The following SMC2 variants were observed in gnomAD, a reference collection of about 807,000 sequenced individuals.
SMC2 encodes structural maintenance of chromosomes protein 2.
SMC2 carries 41 observed loss-of-function variants against 142.6 expected under a neutral mutation model. The observed-to-expected ratio is 0.29, with a 90% CI of 0.22 to 0.37. SMC2 has a LOEUF of 0.37. Ranked by LOEUF, SMC2 falls within the 10% of genes least tolerant of loss-of-function variation. The probability of loss-of-function intolerance (pLI) is 1.00; values close to 1 mark genes in which losing one functional copy is unlikely to be tolerated. For synonymous variants in SMC2, 463 were observed against 457.5 expected (o/e 1.01, Z -0.15); for missense variants, 1,265 against 1,373.7 (o/e 0.92, Z 1.25).
At chr9:104,121,932 T>A (rs572639523) in intron 16 of SMC2, among the ~76,000 whole-genome samples, 3 of 152,302 alleles carry the variant, frequency 2.0e-5, no homozygotes, top group African/African-American at 7.2e-5. Flanking sequence ...TTTTTGTATT[T>A]TTAGTAGAGA....
At chr9:104,134,939 A>C (rs532776251) in intron 23 of SMC2, among the ~76,000 whole-genome samples, 1 of 152,272 alleles carries the variant, frequency 6.6e-6, no homozygotes, top group Non-Finnish European at 1.5e-5. Flanking sequence ...TAAGTTAAAA[A>C]GACAGATTAG....
At chr9:104,112,053 G>C (rs1299691470) in intron 10 of SMC2, among the ~76,000 whole-genome samples, 1 of 152,202 alleles carries the variant, frequency 6.6e-6, no homozygotes, top group Non-Finnish European at 1.5e-5. Flanking sequence ...AATTCGGTAT[G>C]TAAGTGCAAT....
rs1834327958 is a variant in SMC2, at chr9:104,126,665, C to G, written c.2476C>G (p.Leu826Val). Residue 826 changes from leucine to valine, a missense_variant, in exon 19 of 25, where the codon CTG (leucine) becomes GTG (valine). Physicochemically the swap from Leu to Val is conservative, Grantham distance 32 (BLOSUM62 1). Around this residue, in one of 4 missense-constraint regions of SMC2, gnomAD observed 898 missense variants for 904.2 expected, o/e 0.99. Coordinates refer to ENST00000374793, the MANE Select transcript of SMC2 (RefSeq NM_006444.3). ...QQEVEAITLE[L>V]EELKREHTSY... is the part of the protein sequence containing the mutation. ...GGAAGTTGAAGCTATCACTCTGGAA[C>G]TGGAAGAGCTCAAGAGAGAGCATAC... is the stretch of plus-strand genomic sequence containing the variant. 6.2e-7 allele frequency: 1 copy of G among 1,610,086 alleles called. No homozygotes were observed. Among genetic ancestry groups the G allele is most frequent in the Admixed American group, 1.7e-5 (1 of 59,078 alleles).
At chr9:104,104,224 T>C (rs1272675504) in intron 9 of SMC2, among the ~76,000 whole-genome samples, 2 of 152,174 alleles carry the variant, frequency 1.3e-5, no homozygotes, top group Non-Finnish European at 2.9e-5. Flanking sequence ...CTAAACTCTA[T>C]GAAGCAGGTT....
chr9:104,136,148 C>T (rs978968027), intron 23 of SMC2: 27 of 299,140 alleles, frequency 9.0e-5, no homozygotes, highest in East Asian at 4.0e-4. Flanking sequence ...AATTGAAATT[C>T]GTGATTCATT....
intron 21 of SMC2, among the ~76,000 whole-genome samples, chr9:104,131,441 C>T (rs978174840): frequency 6.6e-6 from 1 of 152,030 alleles, no homozygotes; most frequent in African/African-American, 2.4e-5. Flanking sequence ...ATTGGTGCAG[C>T]AAGCCATCAT....
chr9:104,101,925 T>G (rs181696135), intron 7 of SMC2, 35 bp from the exon 8 acceptor site: 49 of 1,322,668 alleles, frequency 3.7e-5, no homozygotes, highest in Non-Finnish European at 3.2e-6. Flanking sequence ...TTAATACAAT[T>G]TTGAGTTATT....
chr9:104,100,244 A>G, intron 6 of SMC2, 41 bp downstream of exon 6: 1 of 1,455,696 alleles, frequency 6.9e-7, no homozygotes, highest in African/African-American at 1.4e-5. Flanking sequence ...GAAGAATGTA[A>G]TTTTGCATGT....
Position 104,118,210 on chromosome 9 carries a change from G to A in SMC2, c.1831G>A (p.Glu611Lys). 6.2e-7 allele frequency: 1 copy of A among 1,613,764 alleles called. No individual in the cohort carries two copies. The highest frequency in any genetic ancestry group is 8.5e-7 in the Non-Finnish European group (1 of 1,179,790). ...DNVHVALSLV[E>K]YKPELQKAME... ...CGTTCATGTGGCTCTTTCCTTGGTT[G>A]AATATAAACCAGAACTTCAGAAAGC... is the stretch of plus-strand genomic sequence containing the variant. The change falls in exon 15 of 25, where the codon GAA becomes AAA. Residue 611 changes from glutamate to lysine, a missense_variant. Physicochemically the swap from Glu to Lys is moderately conservative, Grantham distance 56 (BLOSUM62 1). Around this residue, in one of 4 missense-constraint regions of SMC2, gnomAD observed 898 missense variants for 904.2 expected, o/e 0.99. Coordinates refer to ENST00000374793, the MANE Select transcript of SMC2 (RefSeq NM_006444.3).
In SMC2 at chr9:104,113,944, T is replaced by A. The variant is rs1287867578; in HGVS notation, c.1415-20T>A. ...GAGCTTTTAAAACTTGGTTTTAATT[T>A]ATTATGATTTATCCTTCAGAAAATA... On this transcript the variant is annotated intron_variant, in intron 11 of 24. Coordinates refer to ENST00000374793, the MANE Select transcript of SMC2 (RefSeq NM_006444.3). 1.4e-6 allele frequency: 2 copies of A among 1,454,322 alleles called. No homozygotes were observed. Among genetic ancestry groups the A allele is most frequent in the African/African-American group, 2.9e-5 (2 of 69,336 alleles). 90.1% of individuals were successfully genotyped at this position (1,454,322 alleles called of 1,614,324 possible). A position where few individuals can be genotyped will look rare whatever the true frequency, so the allele number is the denominator to read the frequency against.
chr9:104,097,119 G>GTTTTTTT (rs71501412), intron 3 of SMC2, among the ~76,000 whole-genome samples: 2 of 104,116 alleles, frequency 1.9e-5, no homozygotes, highest in African/African-American at 3.6e-5. Flanking sequence ...GCTTGTCAAG[G>GTTTTTTT]TTTTTTTTTT....
upstream of SMC2, among the ~76,000 whole-genome samples, chr9:104,093,923 C>G (rs1830163826): frequency 6.6e-6 from 1 of 152,258 alleles, no homozygotes; most frequent in Non-Finnish European, 1.5e-5. Context: ...TGCCTCTCCA[C>G]TTCCTAACTG....
rs372310010 is a variant in SMC2 at position 104,113,410 on chromosome 9, C to T, written c.1349C>T (p.Ala450Val). Residue 450 changes from alanine to valine, a missense_variant, in exon 11 of 25, where the codon GCT (alanine) becomes GTT (valine). Ala to Val is a moderately conservative substitution (Grantham distance 64, BLOSUM62 0). Coordinates refer to ENST00000374793, the MANE Select transcript of SMC2 (RefSeq NM_006444.3). ...MDSGYRKDQE[A>V]LEAVKRLKEK... ...AGTGGCTACAGGAAGGATCAAGAAG[C>T]TCTAGAAGCTGTAAAAAGACTTAAA... is the stretch of plus-strand genomic sequence containing the variant. 9.3e-6 allele frequency: 15 copies of T among 1,609,764 alleles called. No homozygotes were observed. Among genetic ancestry groups the T allele is most frequent in the Non-Finnish European group, 1.3e-5 (15 of 1,178,170 alleles).
At chr9:104,130,685 A>G (rs867031606) in intron 21 of SMC2, among the ~76,000 whole-genome samples, 4 of 152,298 alleles carry the variant, frequency 2.6e-5, no homozygotes, top group Middle Eastern at 3.4e-3. Flanking sequence ...ATCTCTCTAG[A>G]AAATGCTCCT....
At chr9:104,136,862 C>T (rs781531419) in intron 23 of SMC2, among the ~76,000 whole-genome samples, 3 of 149,484 alleles carry the variant, frequency 2.0e-5, no homozygotes, top group Middle Eastern at 3.5e-3. Context: ...AGCAAGCCTT[C>T]GGCCAGGTAT....
In SMC2 at chr9:104,140,663, TG is replaced by T. The variant is rs1355585236; in HGVS notation, c.*1350del. On this transcript the variant is annotated 3_prime_UTR_variant, in exon 25 of 25. Coordinates refer to ENST00000374793, the MANE Select transcript of SMC2 (RefSeq NM_006444.3). ...AATCTGGAATTAGTTCTGTCCACTG[TG>T]GAGGGGAGAGGAAATAATGCTGTAA... 16 of 152,712 alleles carry T rather than the reference TG, an allele frequency of 1.0e-4. No individual in the cohort carries two copies. The highest frequency in any genetic ancestry group is 3.4e-4 in the African/African-American group (14 of 41,562). The allele number at this position is 152,712 out of a possible 1,614,324, so 9.5% of individuals were successfully genotyped here. A position where few individuals can be genotyped will look rare whatever the true frequency, so the allele number is the denominator to read the frequency against.
intron 3 of SMC2, among the ~76,000 whole-genome samples, chr9:104,096,774 A>G (rs551882039): frequency 3.3e-5 from 5 of 152,308 alleles, no homozygotes; most frequent in African/African-American, 4.8e-5. Flanking sequence ...AGTGATGTGC[A>G]AGTATATGTG....
At chr9:104,092,933 T>TG (rs1224241107), upstream of SMC2, 1 of 152,142 alleles carries the variant, frequency 6.6e-6, no homozygotes, top group Non-Finnish European at 1.5e-5. Context: ...AAGTGAGGAA[T>TG]GGGATTAAGG....
chr9:104,127,295 A>G lies in SMC2; in HGVS notation c.2605A>G (p.Asn869Asp). 3 of 1,576,390 alleles carry G rather than the reference A, an allele frequency of 1.9e-6. No homozygotes were observed. In the East Asian group the frequency reaches 6.7e-5, roughly 35 times the overall value. ...AATTTTTTTGTTTTAGGAGTCAGTAAATAAAGCTCAAGAAGAGGTGACCAA... is the reference window on the plus strand; with the variant it reads ...AATTTTTTTGTTTTAGGAGTCAGTAGATAAAGCTCAAGAAGAGGTGACCAA... ...AEVAKNKESV[N>D]KAQEEVTKQK... The change falls in exon 20 of 25, where the codon AAT becomes GAT. Residue 869 changes from asparagine to aspartate, a missense_variant. Coordinates refer to ENST00000374793, the MANE Select transcript of SMC2 (RefSeq NM_006444.3).
Sources: allele counts gnomAD v4.1 joint callset (sites outside exome capture counted in the v4.1 genomes callset), GRCh38; gene constraint gnomAD v4.1.1; regional missense constraint gnomAD v4.1.1; transcripts MANE v1.5; gene names NCBI Gene and HGNC (gene_info 2026-07-23, HGNC 2026-07-21).